USP10: variants seen among roughly 807,000 people sequenced by gnomAD.
USP10 encodes ubiquitin specific peptidase 10.
Under a neutral mutation model 84.5 loss-of-function variants are expected in USP10, and 22 were observed. That is an observed-to-expected ratio of 0.26 (90% CI 0.19 to 0.37). USP10 has a LOEUF of 0.37. USP10 is among the 10% of genes least tolerant of loss of function. USP10 has a pLI of 1.00. For synonymous variants in USP10, 454 were observed against 387.6 expected (o/e 1.17, Z -2.01); for missense variants, 1,019 against 998.9 (o/e 1.02, Z -0.27).
intron 4 of USP10, among the ~76,000 whole-genome samples, chr16:84,750,162 C>G (rs1158181969): frequency 2.0e-5 from 3 of 152,112 alleles, no homozygotes; most frequent in Admixed American, 6.6e-5. Flanking sequence ...AATCCCAGCA[C>G]TTTCGGAGGT....
At chr16:84,702,951 C>G (rs1240935298) in intron 1 of USP10, among the ~76,000 whole-genome samples, 1 of 141,842 alleles carries the variant, frequency 7.1e-6, no homozygotes, top group Non-Finnish European at 1.5e-5. Flanking sequence ...CGAGATCATG[C>G]CACTGCACTC....
At chr16:84,724,091 A>G (rs980224813) in intron 1 of USP10, among the ~76,000 whole-genome samples, 2 of 152,218 alleles carry the variant, frequency 1.3e-5, no homozygotes, top group East Asian at 1.9e-4. Flanking sequence ...GCTGTGTTTC[A>G]TACAATAGCA....
rs550395229 is a variant in USP10 at position 84,779,314 on chromosome 16, A to C, written c.*232A>C. 2 of 403,268 alleles carry C rather than the reference A, an allele frequency of 5.0e-6. No homozygotes were observed. Among genetic ancestry groups the C allele is most frequent in the East Asian group, 8.4e-5 (2 of 23,948 alleles). The allele number at this position is 403,268 out of a possible 1,614,324, so 25.0% of individuals were successfully genotyped here. A position where few individuals can be genotyped will look rare whatever the true frequency, so the allele number is the denominator to read the frequency against. ...AACAGACTGTTGCTTGATTTTAGAA[A>C]ATACACAAAAACCCATATTTCTGAA... On this transcript the variant is annotated 3_prime_UTR_variant, in exon 14 of 14. Transcript: ENST00000219473.
chr16:84,703,777 T>G (rs1311694441), intron 1 of USP10, among the ~76,000 whole-genome samples: 1 of 152,142 alleles, frequency 6.6e-6, no homozygotes, highest in Non-Finnish European at 1.5e-5. Flanking sequence ...AGTGGTCGCC[T>G]TAGTGGTTTG....
At chr16:84,706,124 C>A (rs1040761852) in intron 1 of USP10, among the ~76,000 whole-genome samples, 1 of 152,126 alleles carries the variant, frequency 6.6e-6, no homozygotes. Context: ...TCAAGGGATC[C>A]CTTCTGCTTC....
rs1055316806 is a variant in USP10 at position 84,705,474 on chromosome 16, G to A, written c.21+5363G>A. Among the ~76,000 whole-genome samples, 117 of 151,544 alleles carry A rather than the reference G, an allele frequency of 7.7e-4. 1 individual carries two copies. Among genetic ancestry groups the A allele is most frequent in the Admixed American group, 7.0e-3 (107 of 15,204 alleles). On this transcript the variant is annotated intron_variant, in intron 1 of 13. Transcript: ENST00000219473. Reference sequence around the variant, plus strand: ...TCTCCATCTCCTGACCTCACGATCCGCCCACCTCGGCCTCCCAAAGTGCTG... The same window carrying A: ...TCTCCATCTCCTGACCTCACGATCCACCCACCTCGGCCTCCCAAAGTGCTG...
chr16:84,734,066 A>C (rs1365526386), intron 2 of USP10, among the ~76,000 whole-genome samples: 1 of 152,180 alleles, frequency 6.6e-6, no homozygotes, highest in Non-Finnish European at 1.5e-5. Flanking sequence ...CAGCCGTTAA[A>C]AATATTGCAC....
At chr16:84,715,651 AAAAC>A (rs1235197749) in intron 1 of USP10, among the ~76,000 whole-genome samples, 6 of 151,982 alleles carry the variant, frequency 3.9e-5, no homozygotes, top group African/African-American at 9.6e-5. Context: ...TTTTTTTAAA[AAAAC>A]AAACAAGTAG....
Position 84,767,340 on chromosome 16 carries a change from A to G in USP10, c.1833-853A>G, listed in dbSNP as rs940689248. ...TACTCAGAAAAACTTAGAAAAAGGA[A>G]AAAAAAAATGAAATGAAAAACCAGC... is the stretch of plus-strand genomic sequence containing the variant. On this transcript the variant is annotated intron_variant, in intron 10 of 13. Coordinates refer to ENST00000219473, the MANE Select transcript of USP10 (RefSeq NM_005153.3). Among the ~76,000 whole-genome samples the G allele has an allele frequency of 2.0e-5, 3 of 151,602 alleles. 1 individual carries two copies.
chr16:84,760,003 T>C (rs1247035883), intron 7 of USP10, 57 bp downstream of exon 7: 4 of 1,596,304 alleles, frequency 2.5e-6, no homozygotes, highest in Admixed American at 1.7e-5. Context: ...TGGAGACAGA[T>C]GACTTAAATT....
chr16:84,708,266 A>G (rs1044299811), intron 1 of USP10, among the ~76,000 whole-genome samples: 1 of 152,128 alleles, frequency 6.6e-6, no homozygotes, highest in Non-Finnish European at 1.5e-5. Context: ...CCTGGCCAAC[A>G]TGGTAAAACC....
At chr16:84,757,283 A>G (rs897478620) in intron 4 of USP10, among the ~76,000 whole-genome samples, 1 of 152,156 alleles carries the variant, frequency 6.6e-6, no homozygotes, top group African/African-American at 2.4e-5. Context: ...CAGATTCCAC[A>G]GAATCTGTAA....
intron 1 of USP10, among the ~76,000 whole-genome samples, chr16:84,715,538 G>T (rs566254884): frequency 1.3e-5 from 2 of 152,176 alleles, no homozygotes; most frequent in South Asian, 4.1e-4. Context: ...GTCCACCTGG[G>T]TGACCTTACT....
chr16:84,702,029 G>C (rs908691394), intron 1 of USP10, among the ~76,000 whole-genome samples: 3 of 71,300 alleles, frequency 4.2e-5, no homozygotes, highest in Non-Finnish European at 8.3e-5. Flanking sequence ...TATTTATTTT[G>C]AGATGGAGTT....
At chr16:84,720,235 C>T (rs546969096) in intron 1 of USP10, among the ~76,000 whole-genome samples, 1 of 152,278 alleles carries the variant, frequency 6.6e-6, no homozygotes, top group Admixed American at 6.5e-5. Context: ...TCTGCCGTGG[C>T]GATGTGCGTT....
chr16:84,735,945 T>A (rs1487837719), intron 2 of USP10, among the ~76,000 whole-genome samples: 1 of 150,516 alleles, frequency 6.6e-6, no homozygotes, highest in Admixed American at 6.7e-5. Flanking sequence ...CTCACTTTCA[T>A]GGGGCGGCAT....
At chr16:84,705,049 G>A (rs1905297747) in intron 1 of USP10, among the ~76,000 whole-genome samples, 1 of 152,224 alleles carries the variant, frequency 6.6e-6, no homozygotes, top group East Asian at 1.9e-4. Flanking sequence ...TTGGGCTTGT[G>A]TGTACAGCCT....
At chr16:84,764,555 A>G (rs1913604759) in intron 10 of USP10, among the ~76,000 whole-genome samples, 1 of 152,142 alleles carries the variant, frequency 6.6e-6, no homozygotes, top group South Asian at 2.1e-4. Context: ...AATTGGCCAT[A>G]CGCGGTGGTT....
chr16:84,734,958 A>T (rs1284373470), intron 2 of USP10, among the ~76,000 whole-genome samples: 1 of 152,110 alleles, frequency 6.6e-6, no homozygotes, highest in African/African-American at 2.4e-5. Context: ...CGAGTGTGCT[A>T]TTCTGTGGGC....
Sources: gnomAD v4.1 joint callset for allele counts (sites outside exome capture counted in the v4.1 genomes callset) on GRCh38, gnomAD v4.1.1 for gene constraint, MANE v1.5 for transcripts, NCBI Gene and HGNC (gene_info 2026-07-23, HGNC 2026-07-21) for gene names.